LRRC32: variants seen among roughly 807,000 people sequenced by gnomAD.
LRRC32 encodes the protein leucine rich repeat containing 32.
LRRC32 carries 5 observed loss-of-function variants against 15.0 expected under a neutral mutation model. The observed-to-expected ratio is 0.33, with a 90% CI of 0.17 to 0.70. The LOEUF is 0.70. LRRC32 is among the 30% of genes least tolerant of loss of function. The pLI, the probability that LRRC32 is intolerant of heterozygous loss-of-function variation, is 0.66. For missense variants in LRRC32, 803 were observed against 854.2 expected (o/e 0.94, Z 0.75); for synonymous variants, 391 against 403.9 (o/e 0.97, Z 0.38).
chr11:76,667,435 G>A (rs1213223899), intron 1 of LRRC32, among the ~76,000 whole-genome samples: 1 of 152,208 alleles, frequency 6.6e-6, no homozygotes, highest in Non-Finnish European at 1.5e-5. Flanking sequence ...GGGCATTTGA[G>A]GGCAGTGTCT....
intron 2 of LRRC32, 76 bp from the exon 3 acceptor site, chr11:76,661,584 G>A (rs1360861630): frequency 6.8e-7 from 1 of 1,468,580 alleles, no homozygotes; most frequent in Non-Finnish European, 9.0e-7. Flanking sequence ...TGTTTATCCA[G>A]GAACCCTGCC....
Position 76,659,702 on chromosome 11 carries a change from T to G in LRRC32, c.1891A>C (p.Ile631Leu). The G allele has an allele frequency of 6.2e-7, 1 of 1,614,160 alleles. No individual in the cohort carries two copies. The highest frequency in any genetic ancestry group is 8.5e-7 in the Non-Finnish European group (1 of 1,179,992). Residue 631 changes from isoleucine to leucine, a missense_variant, in exon 3 of 3, where the codon ATC becomes CTC. By Grantham distance (5) the Ile-to-Leu change is conservative. Transcript: ENST00000260061. ...GCAGAGACCAGTATGAAGGTGAGGA[T>G]GATGATGAGGTTGATGTTCTTCAGT... is the stretch of plus-strand genomic sequence containing the variant. ...GGLKNINLII[I>L]LTFILVSAIL...
Position 76,660,762 on chromosome 11 carries a change from G to A in LRRC32, c.831C>T (p.Ile277=). Residue 277 remains isoleucine (I), a synonymous_variant, in exon 3 of 3, where the codon ATC becomes ATT. Coordinates refer to ENST00000260061, the MANE Select transcript of LRRC32 (RefSeq NM_001128922.2). The stretch of plus-strand genomic sequence containing the variant: ...CCTGGGGTGGCCCTGTGGGGAGCCG[G>A]ATGAGGTTGTTGGACAAGTTCAGGT... ...LIYLNLSNNL[I]RLPTGPPQDS... 1 of 1,614,170 alleles carries A rather than the reference G, an allele frequency of 6.2e-7. No individual in the cohort carries two copies. Among genetic ancestry groups the A allele is most frequent in the Non-Finnish European group, 8.5e-7 (1 of 1,180,036 alleles).
At chr11:76,663,010 T>G (rs887801677) in intron 2 of LRRC32, 1 of 152,334 alleles carries the variant, frequency 6.6e-6, no homozygotes, top group Non-Finnish European at 1.5e-5. Context: ...CTCTTCACAC[T>G]GAGCTTCAGG....
chr11:76,668,336 C>T (rs1408987325), intron 1 of LRRC32, among the ~76,000 whole-genome samples: 1 of 152,096 alleles, frequency 6.6e-6, no homozygotes, highest in Non-Finnish European at 1.5e-5. Flanking sequence ...CTGGCCTTGA[C>T]CACAGCACCC....
At chr11:76,661,930 A>C (rs1952542735) in intron 2 of LRRC32, among the ~76,000 whole-genome samples, 1 of 152,224 alleles carries the variant, frequency 6.6e-6, no homozygotes, top group Admixed American at 6.5e-5. Context: ...TCTATGTCCT[A>C]GGTCCCTTCT....
At chr11:76,661,777 TAGAC>T (rs1190454704) in intron 2 of LRRC32, among the ~76,000 whole-genome samples, 1 of 126,494 alleles carries the variant, frequency 7.9e-6, no homozygotes, top group Non-Finnish European at 1.8e-5. Context: ...GGAGAGATGA[TAGAC>T]AGATAGAAGG....
intron 1 of LRRC32, among the ~76,000 whole-genome samples, chr11:76,667,628 C>T (rs1429002690): frequency 2.0e-5 from 3 of 152,244 alleles, no homozygotes; most frequent in African/African-American, 7.2e-5. Flanking sequence ...GTTGTGCTTT[C>T]ACAGGAAACT....
In LRRC32 at chr11:76,660,690, G is replaced by A. The variant is rs142185267; in HGVS notation, c.903C>T (p.Pro301=). Residue 301 remains proline (P), a synonymous_variant, in exon 3 of 3, where the codon CCC becomes CCT. Coordinates refer to ENST00000260061, the MANE Select transcript of LRRC32 (RefSeq NM_001128922.2). ...TGGCATTCCCGCTGGGGGCTGAGAGGGGCAGGGCTGACCAGCCCTCGGAAG... is the reference window on the plus strand; with the variant it reads ...TGGCATTCCCGCTGGGGGCTGAGAGAGGCAGGGCTGACCAGCCCTCGGAAG... ...HAPSEGWSAL[P]LSAPSGNASG... is the part of the protein sequence containing the mutation. The A allele has an allele frequency of 2.5e-6, 4 of 1,613,996 alleles. No homozygotes were observed. Among genetic ancestry groups the A allele is most frequent in the East Asian group, 4.5e-5 (2 of 44,886 alleles).
In LRRC32 at chr11:76,660,433, G is replaced by A. The variant is rs1268588076; in HGVS notation, c.1160C>T (p.Ser387Phe). The A allele has an allele frequency of 6.2e-7, 1 of 1,613,706 alleles. No individual in the cohort carries two copies. Among genetic ancestry groups the A allele is most frequent in the Non-Finnish European group, 8.5e-7 (1 of 1,179,864 alleles). The stretch of plus-strand genomic sequence containing the variant: ...GCCCTGTAGGAGCAGCGTCCGCAGA[G>A]ACCCCAGGGCTCTGGCGCCCAGTTC... ...TLELGARALG[S>F]LRTLLLQGNA... The change falls in exon 3 of 3, where the codon TCT (serine) becomes TTT (phenylalanine). Residue 387 changes from serine (S) to phenylalanine (F), a missense_variant. Transcript: ENST00000260061.
At position 76,660,290 on chromosome 11, in the gene LRRC32, C is replaced by T. The variant is rs764680966; in HGVS notation, c.1303G>A (p.Gly435Ser). The T allele has an allele frequency of 1.6e-5, 25 of 1,583,828 alleles. No homozygotes were observed. In the East Asian group the frequency reaches 3.4e-4, roughly 21 times the overall value. The change falls in exon 3 of 3, where the codon GGC becomes AGC. Residue 435 changes from glycine to serine, a missense_variant. Transcript: ENST00000260061. ...CGGPDEPGPS[G>S]CVAFSGITSL... is the part of the protein sequence containing the mutation. ...GTGATGCCGGAGAAGGCCACACAGC[C>T]GGAGGGGCCAGGCTCATCTGGCCCC...
In LRRC32 at chr11:76,659,322, G is replaced by A; in HGVS notation, c.*282C>T. 2 of 418,636 alleles carry A rather than the reference G, an allele frequency of 4.8e-6. No individual in the cohort carries two copies. The highest frequency in any genetic ancestry group is 8.7e-6 in the Non-Finnish European group (2 of 229,532). 25.9% of individuals were successfully genotyped at this position (418,636 alleles called of 1,614,324 possible). A position where few individuals can be genotyped will look rare whatever the true frequency, so the allele number is the denominator to read the frequency against. ...TTCCCAGTGCCCAGAGCAGGGTGTG[G>A]CACAAAATACATGCTCAGTGAAGAT... On this transcript the variant is annotated 3_prime_UTR_variant, in exon 3 of 3. Coordinates refer to ENST00000260061, the MANE Select transcript of LRRC32 (RefSeq NM_001128922.2).
At chr11:76,667,252 G>A (rs1051977936) in intron 1 of LRRC32, among the ~76,000 whole-genome samples, 1 of 152,212 alleles carries the variant, frequency 6.6e-6, no homozygotes, top group Non-Finnish European at 1.5e-5. Flanking sequence ...GTCTCAGAGA[G>A]CTTAGGTACT....
In LRRC32 at chr11:76,660,730, T is replaced by G. The variant is rs1489521780; in HGVS notation, c.863A>C (p.Lys288Thr). 3 of 1,614,016 alleles carry G rather than the reference T, an allele frequency of 1.9e-6. No individual in the cohort carries two copies. Among genetic ancestry groups the G allele is most frequent in the Non-Finnish European group, 2.5e-6 (3 of 1,179,992 alleles). ...RLPTGPPQDS[K>T]GIHAPSEGWS... is the part of the protein sequence containing the mutation. Reference sequence around the variant, plus strand: ...GCCCTCGGAAGGTGCGTGGATGCCCTTGCTGTCCTGGGGTGGCCCTGTGGG... The same window carrying G: ...GCCCTCGGAAGGTGCGTGGATGCCCGTGCTGTCCTGGGGTGGCCCTGTGGG... The change falls in exon 3 of 3, where the codon AAG becomes ACG. Residue 288 changes from lysine to threonine, a missense_variant. Physicochemically the swap from Lys to Thr is moderately conservative, Grantham distance 78 (BLOSUM62 -1). Coordinates refer to ENST00000260061, the MANE Select transcript of LRRC32 (RefSeq NM_001128922.2).
intron 2 of LRRC32, among the ~76,000 whole-genome samples, chr11:76,665,042 G>T (rs563340511): frequency 6.6e-6 from 1 of 152,354 alleles, no homozygotes; most frequent in South Asian, 2.1e-4. Context: ...CCTTTCCCCA[G>T]CCAGGCTCTG....
rs1350562900 is a variant in LRRC32 at position 76,660,498 on chromosome 11, C to A, written c.1095G>T (p.Leu365=). The A allele has an allele frequency of 6.2e-7, 1 of 1,613,966 alleles. No homozygotes were observed. Among genetic ancestry groups the A allele is most frequent in the African/African-American group, 1.3e-5 (1 of 74,948 alleles). ...EARRLGSLPC[L]MLLDLSHNAL... ...CATTGTGGCTTAAGTCAAGGAGCAT[C>A]AGGCAGGGCAGGGAGCCTAAGCGCC... The change falls in exon 3 of 3, where the codon CTG becomes CTT. Residue 365 remains leucine (L), a synonymous_variant. Coordinates refer to ENST00000260061, the MANE Select transcript of LRRC32 (RefSeq NM_001128922.2).
rs35033061 is a variant in LRRC32 at position 76,660,926 on chromosome 11, G to C, written c.667C>G (p.Leu223Val). 6.2e-7 allele frequency: 1 copy of C among 1,614,182 alleles called. No homozygotes were observed. Among genetic ancestry groups the C allele is most frequent in the Non-Finnish European group, 8.5e-7 (1 of 1,180,038 alleles). The change falls in exon 3 of 3, where the codon CTA becomes GTA. Residue 223 changes from leucine (L) to valine (V), a missense_variant. Physicochemically the swap from Leu to Val is conservative, Grantham distance 32. Transcript: ENST00000260061. Reference protein sequence around the residue: ...SDFSLQQLRVLDLSCNSIEAF... With the variant: ...SDFSLQQLRVVDLSCNSIEAF... ...TCGATGCTGTTGCAGCTCAGGTCTA[G>C]CACCCGCAGCTGCTGGAGGCTGAAG...
At chr11:76,665,579 G>A (rs1952612237) in intron 2 of LRRC32, among the ~76,000 whole-genome samples, 1 of 152,154 alleles carries the variant, frequency 6.6e-6, no homozygotes, top group Admixed American at 6.5e-5. Flanking sequence ...CAGCTTGGGG[G>A]AATACAGTGT....
In LRRC32 at chr11:76,659,516, T is replaced by C. The variant is rs765825258; in HGVS notation, c.*88A>G. On this transcript the variant is annotated 3_prime_UTR_variant, in exon 3 of 3. Transcript: ENST00000260061. The stretch of plus-strand genomic sequence containing the variant: ...TAATTTGGAGACCAGAGTTCTGGGA[T>C]CCCGGATCACTGTGTGACCTTGAGT... 5.7e-6 allele frequency: 8 copies of C among 1,394,914 alleles called. No individual in the cohort carries two copies. The highest frequency in any genetic ancestry group is 4.1e-5 in the Admixed American group (2 of 48,426). The allele number at this position is 1,394,914 out of a possible 1,614,324, so 86.4% of individuals were successfully genotyped here. A position where few individuals can be genotyped will look rare whatever the true frequency, so the allele number is the denominator to read the frequency against.
Sources: gnomAD v4.1 joint callset for allele counts (sites outside exome capture counted in the v4.1 genomes callset) on GRCh38, gnomAD v4.1.1 for gene constraint, MANE v1.5 for transcripts, NCBI Gene and HGNC (gene_info 2026-07-23, HGNC 2026-07-21) for gene names.